Variants in TRAT1 observed in about 807,000 individuals in gnomAD.
The protein encoded by TRAT1 is T-cell receptor-associated transmembrane adapter 1.
In TRAT1, 20 loss-of-function variants were observed where a neutral mutation model predicts 20.0. That is an observed-to-expected ratio of 1.00 (90% CI 0.70 to 1.45). TRAT1 has a LOEUF of 1.45. Ranked by LOEUF, TRAT1 falls within the 40% of genes most tolerant of loss-of-function variation. The pLI, the probability that TRAT1 is intolerant of heterozygous loss-of-function variation, is 0.00. For synonymous variants in TRAT1, 77 were observed against 74.2 expected (o/e 1.04, Z -0.20); for missense variants, 237 against 224.1 (o/e 1.06, Z -0.37).
intron 2 of TRAT1, among the ~76,000 whole-genome samples, chr3:108,835,916 TA>T (rs1945835715): frequency 4.6e-5 from 7 of 151,136 alleles, no homozygotes; most frequent in Admixed American, 1.3e-4. Context: ...TTTATTTATT[TA>T]TTTATTTATT....
At chr3:108,823,815 A>G (rs993973246) in intron 1 of TRAT1, among the ~76,000 whole-genome samples, 2 of 152,182 alleles carry the variant, frequency 1.3e-5, no homozygotes, top group South Asian at 4.1e-4. Context: ...AATGATATCT[A>G]TTCAGTTATA....
chr3:108,839,174 A>T, intron 3 of TRAT1: 1 of 532,414 alleles, frequency 1.9e-6, no homozygotes, highest in Non-Finnish European at 3.3e-6. Flanking sequence ...TGAGTCAACA[A>T]GAAAGCTGGT....
intron 2 of TRAT1, among the ~76,000 whole-genome samples, chr3:108,833,436 A>C (rs549476244): frequency 6.4e-4 from 98 of 152,226 alleles, no homozygotes; most frequent in African/African-American, 2.1e-3. Context: ...CAAAACAAAA[A>C]AAAACCACGT....
intron 5 of TRAT1, 76 bp downstream of exon 5, chr3:108,849,330 A>C: frequency 8.0e-7 from 1 of 1,244,408 alleles, no homozygotes. Flanking sequence ...CACATCTGAA[A>C]TAGCCTGTTA....
chr3:108,831,846 A>T (rs538565548), intron 2 of TRAT1, among the ~76,000 whole-genome samples: 30 of 152,140 alleles, frequency 2.0e-4, no homozygotes, highest in Non-Finnish European at 4.1e-4. Context: ...CCCAGCCTGG[A>T]AGGTGTTTAA....
intron 2 of TRAT1, among the ~76,000 whole-genome samples, chr3:108,835,913 A>G (rs1333708487): frequency 6.7e-6 from 1 of 148,660 alleles, no homozygotes; most frequent in Non-Finnish European, 1.5e-5. Context: ...TTATTTATTT[A>G]TTTATTTATT....
chr3:108,852,316 G>C (rs1282767046), intron 5 of TRAT1, among the ~76,000 whole-genome samples: 1 of 152,126 alleles, frequency 6.6e-6, no homozygotes, highest in Admixed American at 6.5e-5. Context: ...GGGAGGCAGA[G>C]GTTGCAGTGA....
At position 108,829,612 on chromosome 3, in the gene TRAT1, C is replaced by CACACACACACACAT. The variant is rs1347031434; in HGVS notation, c.8-1053_8-1052insCACACACATACACA. Among the ~76,000 whole-genome samples the CACACACACACACAT allele has an allele frequency of 1.4e-4, 22 of 151,856 alleles. 1 individual carries two copies. Among genetic ancestry groups the CACACACACACACAT allele is most frequent in the Non-Finnish European group, 2.9e-4 (20 of 67,948 alleles). On this transcript the variant is annotated intron_variant, in intron 1 of 5. Coordinates refer to ENST00000295756, the MANE Select transcript of TRAT1 (RefSeq NM_016388.4). ...ACACACACACACACACACACACACA[C>CACACACACACACAT]ACACAACGTTTTGGTCGATGATTGA...
chr3:108,839,247 T>C, intron 3 of TRAT1: 2 of 405,618 alleles, frequency 4.9e-6, no homozygotes, highest in South Asian at 3.4e-5. Flanking sequence ...CAGAGGTAGA[T>C]AGCCTAGATT....
chr3:108,851,949 T>C (rs1035375761), intron 5 of TRAT1, among the ~76,000 whole-genome samples: 1 of 152,232 alleles, frequency 6.6e-6, no homozygotes, highest in African/African-American at 2.4e-5. Flanking sequence ...GAGATTAAAT[T>C]AGAAATAACT....
chr3:108,826,798 A>G (rs1945743622), intron 1 of TRAT1, among the ~76,000 whole-genome samples: 1 of 152,218 alleles, frequency 6.6e-6, no homozygotes, highest in African/African-American at 2.4e-5. Context: ...CACTTGTCTC[A>G]GTTAAAGATA....
intron 2 of TRAT1, among the ~76,000 whole-genome samples, chr3:108,837,096 T>C (rs1945848060): frequency 2.0e-5 from 3 of 152,226 alleles, no homozygotes; most frequent in African/African-American, 7.2e-5. Flanking sequence ...CTCAGGTTTT[T>C]TGATTTTGCT....
chr3:108,846,603 G>A (rs1362672218), intron 3 of TRAT1, among the ~76,000 whole-genome samples: 1 of 152,172 alleles, frequency 6.6e-6, no homozygotes, highest in African/African-American at 2.4e-5. Context: ...GCAGTACATT[G>A]TACAATAAAG....
intron 3 of TRAT1, among the ~76,000 whole-genome samples, chr3:108,839,941 G>A (rs1453810711): frequency 6.6e-6 from 1 of 151,728 alleles, no homozygotes; most frequent in Non-Finnish European, 1.5e-5. Flanking sequence ...ATGTATTGGA[G>A]ATTTCTGTTT....
chr3:108,830,718 G>A lies in TRAT1; in HGVS notation c.56G>A (p.Gly19Asp). The part of the protein sequence containing the change: ...FFLWGLLALL[G>D]LALVISLIFN... ...CTCTGGGGACTTCTAGCATTGTTGG[G>A]CTTGGCTTTGGTTATATCACTGATC... is the stretch of plus-strand genomic sequence containing the variant. The change falls in exon 2 of 6, where the codon GGC (glycine) becomes GAC (aspartate). Residue 19 changes from glycine (G) to aspartate (D), a missense_variant. Gly to Asp is a moderately conservative substitution (Grantham distance 94). Coordinates refer to ENST00000295756, the MANE Select transcript of TRAT1 (RefSeq NM_016388.4). The A allele has an allele frequency of 6.2e-7, 1 of 1,613,940 alleles. No individual in the cohort carries two copies. Among genetic ancestry groups the A allele is most frequent in the Non-Finnish European group, 8.5e-7 (1 of 1,179,900 alleles).
intron 5 of TRAT1, among the ~76,000 whole-genome samples, chr3:108,849,684 T>C (rs539127938): frequency 8.5e-5 from 13 of 152,326 alleles, no homozygotes; most frequent in African/African-American, 3.1e-4. Context: ...CATATCCCTA[T>C]TTTAAAAGGC....
chr3:108,825,958 C>A (rs1417624934), intron 1 of TRAT1, among the ~76,000 whole-genome samples: 3 of 152,126 alleles, frequency 2.0e-5, no homozygotes, highest in African/African-American at 7.2e-5. Flanking sequence ...AAGACAAGTT[C>A]ATCTACAGCA....
intron 1 of TRAT1, among the ~76,000 whole-genome samples, chr3:108,826,568 G>C (rs1323207789): frequency 1.3e-5 from 2 of 152,142 alleles, no homozygotes; most frequent in Non-Finnish European, 2.9e-5. Context: ...AAATCATCAA[G>C]AATGTGCCTT....
At chr3:108,828,507 A>T (rs1328822420) in intron 1 of TRAT1, among the ~76,000 whole-genome samples, 1 of 152,196 alleles carries the variant, frequency 6.6e-6, no homozygotes, top group Non-Finnish European at 1.5e-5. Flanking sequence ...ATGATTAAGT[A>T]CAATATTCAC....
Sources: allele counts gnomAD v4.1 joint callset (sites outside exome capture counted in the v4.1 genomes callset), GRCh38; gene constraint gnomAD v4.1.1; transcripts MANE v1.5; gene names NCBI Gene and HGNC (gene_info 2026-07-23, HGNC 2026-07-21).